The following SLC35F3 variants were observed in gnomAD, a reference collection of about 807,000 sequenced individuals.
SLC35F3 encodes the protein putative thiamine transporter SLC35F3.
Under a neutral mutation model 49.9 loss-of-function variants are expected in SLC35F3, and 25 were observed. The observed-to-expected ratio is 0.50, with a 90% CI of 0.37 to 0.70. SLC35F3 has a LOEUF of 0.70. Among genes scored for constraint, SLC35F3 ranks in the 30% least tolerant of loss-of-function variants. The probability of loss-of-function intolerance (pLI) is 0.00; values close to 1 mark genes in which losing one functional copy is unlikely to be tolerated. For missense variants in SLC35F3, 525 were observed against 639.8 expected (o/e 0.82, Z 1.94); for synonymous variants, 275 against 265.4 (o/e 1.04, Z -0.35).
chr1:234,254,758 A>ATTAT lies in SLC35F3; in HGVS notation c.608+23019_608+23022dup, dbSNP rs561819045. ...CACTCTCTGTAAAGTTCACGAATAA[A>ATTAT]TTATTAACCAGTTTGTAAGCACTTA... On this transcript the variant is annotated intron_variant, in intron 3 of 7. Transcript: ENST00000366618. 1.0e-3 allele frequency among the ~76,000 whole-genome samples: 152 copies of ATTAT among 152,346 alleles called. 1 individual carries two copies. The highest frequency in any genetic ancestry group is 3.5e-3 in the African/African-American group (146 of 41,584).
intron 2 of SLC35F3, among the ~76,000 whole-genome samples, chr1:233,963,854 T>A (rs12135117): frequency 0.14 from 21,179 of 152,248 alleles, 1,823 homozygotes; most frequent in Admixed American, 0.23. Flanking sequence ...TTTGCACTTA[T>A]AGTTGGCTCT....
At chr1:234,184,603 G>T (rs771244557) in intron 2 of SLC35F3, among the ~76,000 whole-genome samples, 2 of 152,138 alleles carry the variant, frequency 1.3e-5, no homozygotes, top group African/African-American at 4.8e-5. Context: ...GAATGCTGCC[G>T]CAGGCCAGAG....
intron 2 of SLC35F3, among the ~76,000 whole-genome samples, chr1:233,998,246 A>G (rs772985507): frequency 1.4e-4 from 21 of 152,026 alleles, no homozygotes; most frequent in African/African-American, 5.1e-4. Flanking sequence ...CAATTCAATC[A>G]TTCTCCTACC....
At chr1:233,955,765 GTTTTT>G (rs551238786) in intron 2 of SLC35F3, among the ~76,000 whole-genome samples, 1 of 112,952 alleles carries the variant, frequency 8.9e-6, no homozygotes. Context: ...CTCACGAACT[GTTTTT>G]TTTTTTTTTT....
At chr1:234,108,316 A>T (rs1168198778) in intron 2 of SLC35F3, among the ~76,000 whole-genome samples, 3 of 86,488 alleles carry the variant, frequency 3.5e-5, no homozygotes, top group African/African-American at 1.0e-4. Context: ...TATATATATA[A>T]AAGATATATA....
chr1:233,919,703 G>A (rs369955439), intron 2 of SLC35F3, among the ~76,000 whole-genome samples: 1 of 152,084 alleles, frequency 6.6e-6, no homozygotes, highest in East Asian at 1.9e-4. Context: ...ATTATATTTT[G>A]CATCTTTCCC....
At chr1:234,019,459 G>A (rs915017089) in intron 2 of SLC35F3, among the ~76,000 whole-genome samples, 10 of 152,120 alleles carry the variant, frequency 6.6e-5, no homozygotes, top group Admixed American at 5.9e-4. Context: ...AAAGTCCAGC[G>A]GGCTGGAAGC....
chr1:233,965,050 A>T (rs1295198042), intron 2 of SLC35F3, among the ~76,000 whole-genome samples: 1 of 152,182 alleles, frequency 6.6e-6, no homozygotes, highest in Non-Finnish European at 1.5e-5. Context: ...GCCTGGAGAA[A>T]GAAATACAGG....
At chr1:234,119,827 A>G (rs527307826) in intron 2 of SLC35F3, among the ~76,000 whole-genome samples, 27 of 152,332 alleles carry the variant, frequency 1.8e-4, no homozygotes, top group Admixed American at 7.8e-4. Flanking sequence ...ATAGACTTCC[A>G]TCACGCAGCA....
intron 3 of SLC35F3, among the ~76,000 whole-genome samples, chr1:234,303,038 T>C (rs561116469): frequency 1.3e-5 from 2 of 152,332 alleles, no homozygotes; most frequent in African/African-American, 2.4e-5. Flanking sequence ...TTTAGCTAAA[T>C]TAAATTCTTA....
rs148258648 is a variant in SLC35F3 at position 234,192,103 on chromosome 1, C to A, written c.284-39314C>A. On this transcript the variant is annotated intron_variant, in intron 2 of 7. Transcript: ENST00000366618. ...AAAGAGGGAATCCTCCTAAATCATT[C>A]TATGAAGTCAGTATCACCCTAATAC... Among the ~76,000 whole-genome samples the A allele has an allele frequency of 6.1e-3, 921 of 152,188 alleles. 7 individuals are homozygous for A. Among genetic ancestry groups the A allele is most frequent in the South Asian group, 0.03 (147 of 4,820 alleles).
chr1:233,978,873 A>G (rs1201967510), intron 2 of SLC35F3, among the ~76,000 whole-genome samples: 10 of 152,072 alleles, frequency 6.6e-5, no homozygotes, highest in Admixed American at 6.5e-4. Flanking sequence ...TCTACTAAAG[A>G]TACAAAAATT....
intron 3 of SLC35F3, among the ~76,000 whole-genome samples, chr1:234,232,585 A>G (rs1213718600): frequency 1.3e-5 from 2 of 151,418 alleles, no homozygotes; most frequent in African/African-American, 4.8e-5. Context: ...CCAAGGTGAC[A>G]CAGTAGGCCC....
At chr1:234,058,625 A>G (rs527542599) in intron 2 of SLC35F3, among the ~76,000 whole-genome samples, 3 of 152,250 alleles carry the variant, frequency 2.0e-5, no homozygotes, top group Non-Finnish European at 1.5e-5. Context: ...GATAACAGGC[A>G]TGAGCCATTG....
At chr1:234,024,772 G>A (rs1340152416) in intron 2 of SLC35F3, among the ~76,000 whole-genome samples, 1 of 152,042 alleles carries the variant, frequency 6.6e-6, no homozygotes, top group Admixed American at 6.5e-5. Context: ...CCTCTTAAAG[G>A]CCCCACCTCT....
At chr1:234,043,897 C>G (rs1664256352) in intron 2 of SLC35F3, among the ~76,000 whole-genome samples, 1 of 152,152 alleles carries the variant, frequency 6.6e-6, no homozygotes, top group Non-Finnish European at 1.5e-5. Flanking sequence ...ATAATTATAT[C>G]ATGATATCAT....
intron 2 of SLC35F3, among the ~76,000 whole-genome samples, chr1:233,983,170 C>T (rs1663212844): frequency 6.6e-6 from 1 of 151,586 alleles, no homozygotes; most frequent in African/African-American, 2.4e-5. Context: ...CAAGTCCTCC[C>T]TCTGCCGCCC....
At chr1:234,316,903 AG>A (rs1657502982) in intron 5 of SLC35F3, among the ~76,000 whole-genome samples, 176 bp downstream of exon 5, 1 of 152,224 alleles carries the variant, frequency 6.6e-6, no homozygotes, top group Non-Finnish European at 1.5e-5. Context: ...ACTTCAGTCA[AG>A]GGCAAGGGGG....
chr1:233,997,397 C>G (rs1223133579), intron 2 of SLC35F3, among the ~76,000 whole-genome samples: 1 of 152,176 alleles, frequency 6.6e-6, no homozygotes, highest in Non-Finnish European at 1.5e-5. Context: ...TTCCTTTTCT[C>G]CACCTCCTCA....
Sources: allele counts gnomAD v4.1 joint callset (sites outside exome capture counted in the v4.1 genomes callset), GRCh38; gene constraint gnomAD v4.1.1; transcripts MANE v1.5; gene names NCBI Gene and HGNC (gene_info 2026-07-23, HGNC 2026-07-21).